The following COL14A1 variants were observed in gnomAD, a reference collection of about 807,000 sequenced individuals.
COL14A1 encodes the protein collagen alpha-1(XIV) chain.
A neutral mutation model predicts 230.3 loss-of-function variants in COL14A1; 136 were observed. That is an observed-to-expected ratio of 0.59 (90% confidence interval 0.51 to 0.68). The LOEUF (loss-of-function observed/expected upper bound fraction) is 0.68, where lower values mean the gene tolerates loss of function less well. COL14A1 is among the 30% of genes least tolerant of loss of function. The pLI is 0.00. For missense variants in COL14A1, 1,976 were observed against 2,215.8 expected, an observed-to-expected ratio of 0.89 and a Z score of 2.17; for synonymous variants, 792 against 784.1, an observed-to-expected ratio of 1.01 and a Z score of -0.17.
chr8:120,353,706 A>G (rs940001650), intron 45 of COL14A1, among the ~76,000 whole-genome samples: 1 of 150,130 alleles, frequency 6.7e-6, no homozygotes, highest in Non-Finnish European at 1.5e-5. Flanking sequence ...ATCTCACACC[A>G]GTTAGAATGG....
At chr8:120,226,537 A>T in intron 15 of COL14A1, 90 bp from the exon 16 acceptor site, 1 of 1,379,344 alleles carries the variant, frequency 7.2e-7, no homozygotes, top group Non-Finnish European at 9.9e-7. Context: ...AAGATTCCTC[A>T]AAGAGTCTTC....
chr8:120,235,168 A>T (rs1275368083), intron 19 of COL14A1, among the ~76,000 whole-genome samples: 1 of 151,732 alleles, frequency 6.6e-6, no homozygotes, highest in Non-Finnish European at 1.5e-5. Flanking sequence ...TATCCCCTTT[A>T]TCATTTTTAT....
intron 1 of COL14A1, among the ~76,000 whole-genome samples, chr8:120,146,755 T>G (rs1815101273): frequency 6.6e-6 from 1 of 152,140 alleles, no homozygotes. Context: ...ATCCATTATG[T>G]TTATTTATTA....
intron 40 of COL14A1, 59 bp downstream of exon 40, chr8:120,316,056 C>T: frequency 1.3e-6 from 2 of 1,543,742 alleles, no homozygotes; most frequent in Admixed American, 1.7e-5. Context: ...CCAGGTCACT[C>T]TTATTGCTGA....
At chr8:120,215,549 A>G (rs1817726599) in intron 13 of COL14A1, among the ~76,000 whole-genome samples, 1 of 152,198 alleles carries the variant, frequency 6.6e-6, no homozygotes. Flanking sequence ...CTGACATTTT[A>G]AAAGAAGCAC....
At chr8:120,306,125 T>C (rs747561678) in intron 36 of COL14A1, among the ~76,000 whole-genome samples, 13 of 152,192 alleles carry the variant, frequency 8.5e-5, no homozygotes, top group Non-Finnish European at 1.3e-4. Flanking sequence ...AGTTCACATG[T>C]ATACTATAGT....
At chr8:120,314,634 T>C (rs771901177) in intron 38 of COL14A1, among the ~76,000 whole-genome samples, 2 of 152,244 alleles carry the variant, frequency 1.3e-5, no homozygotes, top group African/African-American at 2.4e-5. Context: ...TAATTCATAT[T>C]TGAAGCAACC....
chr8:120,233,699 C>G (rs1370842154), intron 19 of COL14A1, among the ~76,000 whole-genome samples: 1 of 152,116 alleles, frequency 6.6e-6, no homozygotes, highest in African/African-American at 2.4e-5. Flanking sequence ...GTACCAATAC[C>G]AAGCTGTTTT....
In COL14A1 at chr8:120,325,381, A is replaced by T. The variant is rs867462881; in HGVS notation, c.4660-6760A>T. On this transcript the variant is annotated intron_variant, in intron 40 of 47. Coordinates refer to ENST00000297848, the MANE Select transcript of COL14A1 (RefSeq NM_021110.4). ...GGGTGACTAATTTCATGCATTTTTT[A>T]AAAAAGTCAGCCTAAGTGAATTCAC... Among the ~76,000 whole-genome samples, 15 of 152,316 alleles carry T rather than the reference A, an allele frequency of 9.8e-5. No homozygotes were observed. In the Middle Eastern group the frequency reaches 0.014, roughly 138 times the overall value.
chr8:120,231,904 G>A (rs1818279954), intron 19 of COL14A1: 1 of 300,840 alleles, frequency 3.3e-6, no homozygotes, highest in Admixed American at 4.6e-5. Flanking sequence ...CACCAAAGTT[G>A]GGTCATAAAA....
At chr8:120,318,739 G>T (rs1412206495) in intron 40 of COL14A1, among the ~76,000 whole-genome samples, 2 of 151,978 alleles carry the variant, frequency 1.3e-5, no homozygotes, top group Non-Finnish European at 2.9e-5. Flanking sequence ...AGCTGCATTT[G>T]GGGGAAAAAA....
At chr8:120,215,606 T>A (rs1817727626) in intron 13 of COL14A1, among the ~76,000 whole-genome samples, 1 of 151,764 alleles carries the variant, frequency 6.6e-6, no homozygotes, top group Non-Finnish European at 1.5e-5. Flanking sequence ...AGGGGGAAGA[T>A]GGAAGTTGGG....
intron 18 of COL14A1, 92 bp from the exon 19 acceptor site, chr8:120,231,375 A>T: frequency 7.4e-7 from 1 of 1,342,910 alleles, no homozygotes; most frequent in Non-Finnish European, 1.0e-6. Context: ...ACATTAAATG[A>T]TGCTTGCTGT....
intron 36 of COL14A1, 94 bp downstream of exon 36, chr8:120,300,912 G>T: frequency 1.1e-6 from 1 of 943,472 alleles, no homozygotes; most frequent in Non-Finnish European, 1.6e-6. Flanking sequence ...GTACTAAATG[G>T]CTATTACTCA....
chr8:120,310,017 A>G lies in COL14A1; in HGVS notation c.4410A>G (p.Pro1470=). The change falls in exon 37 of 48, where the codon CCA becomes CCG. Residue 1470 remains proline (P), a synonymous_variant. Transcript: ENST00000297848. ...TAACATCTGTTTGCCAGGGTGGTCC[A>G]GGACTCCGAGGACCAAAGGGCCAGC... ...ALGPAGPPGG[P]GLRGPKGQQG... is the part of the protein sequence containing the mutation. 1.2e-6 allele frequency: 2 copies of G among 1,613,970 alleles called. No individual in the cohort carries two copies. Among genetic ancestry groups the G allele is most frequent in the Non-Finnish European group, 1.7e-6 (2 of 1,179,888 alleles).
At chr8:120,339,242 G>A (rs1041187551) in intron 42 of COL14A1, among the ~76,000 whole-genome samples, 1 of 152,126 alleles carries the variant, frequency 6.6e-6, no homozygotes, top group Non-Finnish European at 1.5e-5. Flanking sequence ...AGGCCTTTGC[G>A]ATCCTCCCAA....
intron 12 of COL14A1, 61 bp downstream of exon 12, chr8:120,209,962 T>C (rs1034418058): frequency 4.0e-6 from 5 of 1,245,818 alleles, no homozygotes; most frequent in Non-Finnish European, 5.1e-6. Context: ...AAAATAAAAT[T>C]TTTATTGTAA....
chr8:120,142,084 C>A (rs1413261814), intron 1 of COL14A1, among the ~76,000 whole-genome samples: 1 of 151,844 alleles, frequency 6.6e-6, no homozygotes, highest in Non-Finnish European at 1.5e-5. Flanking sequence ...TTTTTTTTCT[C>A]CAAAAAGACA....
At chr8:120,289,344 G>A (rs528756984) in intron 33 of COL14A1, among the ~76,000 whole-genome samples, 19 of 152,120 alleles carry the variant, frequency 1.2e-4, no homozygotes, top group African/African-American at 2.7e-4. Flanking sequence ...GATTGCTCTC[G>A]AGTTAGGCCG....
Sources: gnomAD v4.1 joint callset for allele counts (sites outside exome capture counted in the v4.1 genomes callset) on GRCh38, gnomAD v4.1.1 for gene constraint, MANE v1.5 for transcripts, NCBI Gene and HGNC (gene_info 2026-07-23, HGNC 2026-07-21) for gene names.